PSME4: variants seen among roughly 807,000 people sequenced by gnomAD.
The protein encoded by PSME4 is proteasome activator complex subunit 4.
PSME4 carries 89 observed loss-of-function variants against 253.9 expected under a neutral mutation model. The ratio of observed to expected loss-of-function variants is 0.35; its 90% CI spans 0.30 to 0.42. The LOEUF (loss-of-function observed/expected upper bound fraction) is 0.42, where lower values mean the gene tolerates loss of function less well. PSME4 is among the 10% of genes least tolerant of loss of function. The pLI is 1.00. For synonymous variants in PSME4, 851 were observed against 759.2 expected (o/e 1.12, Z -1.99); for missense variants, 2,014 against 2,195.2 (o/e 0.92, Z 1.65).
At chr2:53,868,184 C>T (rs1678664623) in intron 44 of PSME4, among the ~76,000 whole-genome samples, 1 of 151,716 alleles carries the variant, frequency 6.6e-6, no homozygotes, top group African/African-American at 2.4e-5. Context: ...AGGCCAGGTG[C>T]TGTGGCTCAC....
chr2:53,900,286 T>C (rs1402819307), intron 28 of PSME4, among the ~76,000 whole-genome samples: 3 of 151,792 alleles, frequency 2.0e-5, no homozygotes, highest in Non-Finnish European at 4.4e-5. Context: ...AGGCCAGACA[T>C]GGTGGCTCAT....
chr2:53,916,567 C>A (rs1211635228), intron 20 of PSME4, among the ~76,000 whole-genome samples: 3 of 152,152 alleles, frequency 2.0e-5, no homozygotes, highest in Non-Finnish European at 4.4e-5. Flanking sequence ...TCACACCAGG[C>A]AGTATGAATT....
At position 53,919,177 on chromosome 2, in the gene PSME4, C is replaced by T. The variant is rs141096393; in HGVS notation, c.2490G>A (p.Pro830=). The T allele has an allele frequency of 1.9e-4, 313 of 1,611,582 alleles. 2 individuals are homozygous for T. The highest frequency in any genetic ancestry group is 1.3e-3 in the South Asian group (114 of 90,750). Residue 830 remains proline (P), a synonymous_variant, in exon 20 of 47, where the codon CCG becomes CCA. Transcript: ENST00000404125. ...AGTTAGTAACTGGCTCTCCTTTCAACGGAGGTAGGAGGTTTCCAGAGCCAA... is the reference window on the plus strand; with the variant it reads ...AGTTAGTAACTGGCTCTCCTTTCAATGGAGGTAGGAGGTTTCCAGAGCCAA... ...CLIGSGNLLP[P]LKGEPVTNLV...
intron 44 of PSME4, among the ~76,000 whole-genome samples, chr2:53,867,669 CAAA>C (rs35848517): frequency 0.078 from 7,663 of 98,414 alleles, 359 homozygotes; most frequent in East Asian, 0.32. Flanking sequence ...GACCTTACCT[CAAA>C]AAAAAAAAAA....
At chr2:53,881,451 T>G (rs537595957) in intron 41 of PSME4, 1 of 152,330 alleles carries the variant, frequency 6.6e-6, no homozygotes, top group South Asian at 2.1e-4. Context: ...AAGTATGTAC[T>G]TTACCACTGT....
chr2:53,892,658 T>C, intron 36 of PSME4, 150 bp downstream of exon 36: 2 of 668,630 alleles, frequency 3.0e-6, no homozygotes, highest in East Asian at 6.1e-5. Flanking sequence ...CTGTAATCTG[T>C]AATCAAAAGC....
Position 53,937,412 on chromosome 2 carries a change from T to A in PSME4, c.674A>T (p.Glu225Val), listed in dbSNP as rs1435670448. The change falls in exon 5 of 47, where the codon GAA becomes GTA. Residue 225 changes from glutamate (E) to valine (V), a missense_variant. By Grantham distance (121) the Glu-to-Val change is moderately radical. This residue lies in a region of PSME4 where 615 missense variants were observed against 594.4 expected (regional missense o/e 1.03). Coordinates refer to ENST00000404125, the MANE Select transcript of PSME4 (RefSeq NM_014614.3). ...EIFLPTSLPP[E>V]LHHKGFKLWF... ...TTACTTAAAACCTTTATGATGAAGT[T>A]CTGGAGGAAGGGAGGTAGGAAGAAA... 6.2e-7 allele frequency: 1 copy of A among 1,605,114 alleles called. No individual in the cohort carries two copies. Among genetic ancestry groups the A allele is most frequent in the Admixed American group, 1.7e-5 (1 of 58,282 alleles).
chr2:53,940,952 C>CATATTTAAATATATATATATATAT (rs61078234), intron 3 of PSME4, among the ~76,000 whole-genome samples: 7 of 24,030 alleles, frequency 2.9e-4, no homozygotes, highest in Admixed American at 7.6e-4. Flanking sequence ...TATATATATA[C>CATATTTAAATATATATATATATAT]ATATATATAT....
rs1405119419 is a variant in PSME4, at chr2:53,928,244, C to T, written c.1376G>A (p.Cys459Tyr). 6.2e-7 allele frequency: 1 copy of T among 1,614,060 alleles called. No homozygotes were observed. The highest frequency in any genetic ancestry group is 1.1e-5 in the South Asian group (1 of 91,086). The change falls in exon 11 of 47, where the codon TGT becomes TAT. Residue 459 changes from cysteine (C) to tyrosine (Y), a missense_variant. Coordinates refer to ENST00000404125, the MANE Select transcript of PSME4 (RefSeq NM_014614.3). ...CAAACTGCGGGCTACTCCAATTACA[C>T]AACTTAAAGTAGCTGTGAGCTGGTG... ...EPHQLTATLS[C>Y]VIGVARSLVS...
intron 20 of PSME4, among the ~76,000 whole-genome samples, chr2:53,917,922 C>T (rs962952851): frequency 8.5e-5 from 13 of 152,116 alleles, no homozygotes; most frequent in South Asian, 6.2e-4. Context: ...AAAAAGAATT[C>T]GGCAAATTCC....
At position 53,920,205 on chromosome 2, in the gene PSME4, A is replaced by G. The variant is rs1476106491; in HGVS notation, c.2408T>C (p.Leu803Pro). The part of the protein sequence containing the change: ...VKLQHCGDGK[L>P]EMSRDDILQS... Reference sequence around the variant, plus strand: ...AAATAAAACCAACCTAGACATTTCAAGTTTTCCATCCCCACAATGCTGGAG... The same window carrying G: ...AAATAAAACCAACCTAGACATTTCAGGTTTTCCATCCCCACAATGCTGGAG... The change falls in exon 19 of 47, where the codon CTT becomes CCT. Residue 803 changes from leucine (L) to proline (P), a missense_variant. By Grantham distance (98) the Leu-to-Pro change is moderately conservative (BLOSUM62 -3). Around this residue, in one of 4 missense-constraint regions of PSME4, gnomAD observed 989 missense variants for 1,021.1 expected, o/e 0.97. Coordinates refer to ENST00000404125, the MANE Select transcript of PSME4 (RefSeq NM_014614.3). 1.2e-6 allele frequency: 2 copies of G among 1,607,548 alleles called. No homozygotes were observed. The highest frequency in any genetic ancestry group is 1.7e-6 in the Non-Finnish European group (2 of 1,176,940).
Position 53,888,279 on chromosome 2 carries a change from TTAAG to T in PSME4, c.4389-294_4389-291del, listed in dbSNP as rs138352520. 908 of 259,562 alleles carry T rather than the reference TTAAG, an allele frequency of 3.5e-3. 8 individuals carry two copies. The highest frequency in any genetic ancestry group is 0.018 in the African/African-American group (832 of 45,146). 16.1% of individuals were successfully genotyped at this position (259,562 alleles called of 1,614,324 possible). On this transcript the variant is annotated intron_variant, in intron 38 of 46. Transcript: ENST00000404125. The stretch of plus-strand genomic sequence containing the variant: ...ATCACAATTCAAGTTTTCTCATTAA[TTAAG>T]TGCTTCTTCTTTTTAATGAAATTAT...
Position 53,923,200 on chromosome 2 carries a change from G to A in PSME4, c.1909-82C>T. 2.0e-6 allele frequency: 3 copies of A among 1,477,426 alleles called. No individual in the cohort carries two copies. The South Asian group carries it at 3.8e-5, about 19-fold the overall frequency. 91.5% of individuals were successfully genotyped at this position (1,477,426 alleles called of 1,614,324 possible). A position where few individuals can be genotyped will look rare whatever the true frequency, so the allele number is the denominator to read the frequency against. On this transcript the variant is annotated intron_variant, in intron 15 of 46. Coordinates refer to ENST00000404125, the MANE Select transcript of PSME4 (RefSeq NM_014614.3). ...ATATTTTCAGTGGCAGTAAAAGGCT[G>A]TAAATAAGCAGCTACTGAAAGAACT...
At chr2:53,955,990 T>G (rs2104482866) in intron 1 of PSME4, among the ~76,000 whole-genome samples, 1 of 151,884 alleles carries the variant, frequency 6.6e-6, no homozygotes, top group East Asian at 2.0e-4. Context: ...GGGAGCCAGG[T>G]ACAGTGGCTC....
At chr2:53,970,439 G>T in intron 1 of PSME4, 104 bp downstream of exon 1, 1 of 1,506,608 alleles carries the variant, frequency 6.6e-7, no homozygotes, top group Non-Finnish European at 8.9e-7. Flanking sequence ...GCTCCAGCGA[G>T]GACAGAGCTA....
At chr2:53,908,189 T>A (rs1667654794) in intron 24 of PSME4, 131 bp downstream of exon 24, 1 of 666,280 alleles carries the variant, frequency 1.5e-6, no homozygotes, top group Non-Finnish European at 2.5e-6. Context: ...GTTTTTAACT[T>A]TTACATACTT....
At chr2:53,890,337 C>CAAAA in intron 36 of PSME4, 129 bp from the exon 37 acceptor site, 1 of 650,364 alleles carries the variant, frequency 1.5e-6, no homozygotes, top group Non-Finnish European at 2.7e-6. Context: ...GACATGGTCT[C>CAAAA]ATGCTATTGC....
At chr2:53,882,753 G>C (rs1428062584) in intron 41 of PSME4, among the ~76,000 whole-genome samples, 1 of 151,994 alleles carries the variant, frequency 6.6e-6, no homozygotes, top group African/African-American at 2.4e-5. Context: ...AATTCTAAAA[G>C]CCACATAAGG....
Position 53,871,592 on chromosome 2 carries a change from T to C in PSME4, c.5101-2054A>G, listed in dbSNP as rs183215946. ...ATTACAATACCACCACCACTCTGAG[T>C]AGTCAGATCTGTGCATGTTTTGATG... On this transcript the variant is annotated intron_variant, in intron 43 of 46. Transcript: ENST00000404125. 1.5e-3 allele frequency among the ~76,000 whole-genome samples: 221 copies of C among 152,214 alleles called. 1 individual carries two copies. The highest frequency in any genetic ancestry group is 5.2e-3 in the African/African-American group (217 of 41,534).
Sources: gnomAD v4.1 joint callset for allele counts (sites outside exome capture counted in the v4.1 genomes callset) on GRCh38, gnomAD v4.1.1 for gene constraint, gnomAD v4.1.1 regional missense constraint, MANE v1.5 for transcripts, NCBI Gene and HGNC (gene_info 2026-07-23, HGNC 2026-07-21) for gene names.